The following RNLS variants were observed in gnomAD, a reference collection of about 807,000 sequenced individuals.
The protein encoded by RNLS is renalase.
A neutral mutation model predicts 39.8 loss-of-function variants in RNLS; 39 were observed. That is an observed-to-expected ratio of 0.98 (90% CI 0.76 to 1.28). RNLS has a LOEUF of 1.28. RNLS is among the 50% of genes most tolerant of loss of function. The probability of loss-of-function intolerance (pLI) is 0.00; values close to 1 mark genes in which losing one functional copy is unlikely to be tolerated. For synonymous variants in RNLS, 147 were observed against 150.7 expected (o/e 0.98, Z 0.18); for missense variants, 410 against 413.3 (o/e 0.99, Z 0.07).
intron 4 of RNLS, among the ~76,000 whole-genome samples, chr10:88,442,377 T>C (rs988556531): frequency 1.3e-5 from 2 of 152,224 alleles, no homozygotes; most frequent in African/African-American, 4.8e-5. Context: ...GTCATTCAGC[T>C]GATTAAAACT....
At chr10:88,394,417 A>T (rs4934399) in intron 4 of RNLS, among the ~76,000 whole-genome samples, 94,079 of 151,944 alleles carry the variant, frequency 0.62, 29,407 homozygotes, top group African/African-American at 0.71. Flanking sequence ...AGAAGACATT[A>T]ATGCAGCCAA....
At chr10:88,225,387 A>T in the RNLS span, among the ~76,000 whole-genome samples, 1 of 152,164 alleles carries the variant, frequency 6.6e-6, no homozygotes. Flanking sequence ...CCTTTTCTCA[A>T]TTCCCTTCTC....
chr10:88,294,791 G>A (rs1324633571), intron 6 of RNLS, among the ~76,000 whole-genome samples: 2 of 152,056 alleles, frequency 1.3e-5, no homozygotes, highest in Non-Finnish European at 2.9e-5. Flanking sequence ...ATGAACACAA[G>A]CCAACAAAAA....
At chr10:88,508,814 A>C (rs919536601) in intron 4 of RNLS, among the ~76,000 whole-genome samples, 1 of 149,572 alleles carries the variant, frequency 6.7e-6, no homozygotes, top group African/African-American at 2.4e-5. Context: ...AATTTAAGGA[A>C]AAAAAAAGAA....
intron 4 of RNLS, among the ~76,000 whole-genome samples, chr10:88,514,318 T>C (rs147625604): frequency 6.6e-6 from 1 of 151,894 alleles, no homozygotes; most frequent in African/African-American, 2.4e-5. Context: ...AAGAACAGCA[T>C]GGGGGAAACC....
chr10:88,202,113 C>A, the RNLS span, among the ~76,000 whole-genome samples: 1 of 151,960 alleles, frequency 6.6e-6, no homozygotes, highest in Admixed American at 6.6e-5. Flanking sequence ...GAATACTATG[C>A]AGCCATAAAA....
intron 4 of RNLS, among the ~76,000 whole-genome samples, chr10:88,487,489 C>T (rs1361870527): frequency 2.0e-5 from 3 of 152,048 alleles, no homozygotes; most frequent in African/African-American, 7.2e-5. Context: ...TGTTCTACAT[C>T]ATCAGTTATT....
chr10:88,492,822 T>A (rs995585743), intron 4 of RNLS, among the ~76,000 whole-genome samples: 34 of 152,232 alleles, frequency 2.2e-4, no homozygotes, highest in African/African-American at 8.2e-4. Context: ...TAAAGGACAA[T>A]TTATGAAAGG....
intron 5 of RNLS, chr10:88,343,679 G>A (rs1419417175): frequency 1.0e-6 from 1 of 985,218 alleles, no homozygotes; most frequent in Non-Finnish European, 1.2e-6. Flanking sequence ...CACATTTAGT[G>A]AGACTGCATA....
At chr10:88,496,703 G>A (rs1046217468) in intron 4 of RNLS, among the ~76,000 whole-genome samples, 3 of 152,150 alleles carry the variant, frequency 2.0e-5, no homozygotes, top group African/African-American at 7.2e-5. Context: ...TTTCATAGAG[G>A]AGAAGGGTTA....
intron 5 of RNLS, among the ~76,000 whole-genome samples, chr10:88,346,183 G>T (rs183438005): frequency 6.6e-6 from 1 of 152,202 alleles, no homozygotes; most frequent in Non-Finnish European, 1.5e-5. Flanking sequence ...ATCTCAGCTG[G>T]AGCACAGTTG....
intron 6 of RNLS, among the ~76,000 whole-genome samples, chr10:88,288,503 G>A (rs1300953044): frequency 2.0e-5 from 3 of 152,104 alleles, no homozygotes; most frequent in African/African-American, 7.2e-5. Context: ...ATATGTGTGT[G>A]TCTATGTATA....
At chr10:88,430,411 A>C (rs943414762) in intron 4 of RNLS, among the ~76,000 whole-genome samples, 1 of 151,856 alleles carries the variant, frequency 6.6e-6, no homozygotes, top group African/African-American at 2.4e-5. Flanking sequence ...TGAATTTTCT[A>C]TATAGACACT....
At chr10:88,210,599 G>A in the RNLS span, among the ~76,000 whole-genome samples, 1 of 152,080 alleles carries the variant, frequency 6.6e-6, no homozygotes, top group African/African-American at 2.4e-5. Flanking sequence ...CATAATCACA[G>A]AACAATTGTA....
At chr10:88,321,534 A>G (rs1174101263) in intron 5 of RNLS, among the ~76,000 whole-genome samples, 2 of 152,210 alleles carry the variant, frequency 1.3e-5, no homozygotes, top group Admixed American at 6.5e-5. Flanking sequence ...GAAAGGATGA[A>G]CAACATTGAT....
the RNLS span, among the ~76,000 whole-genome samples, chr10:88,214,829 A>T: frequency 6.6e-6 from 1 of 152,202 alleles, no homozygotes; most frequent in African/African-American, 2.4e-5. Flanking sequence ...GTATAATTCA[A>T]CTGTTGAAAG....
downstream of RNLS, among the ~76,000 whole-genome samples, chr10:88,279,624 GA>G (rs776904550): frequency 2.3e-5 from 3 of 128,646 alleles, no homozygotes; most frequent in African/African-American, 6.0e-5. Context: ...TTAGGAGTGT[GA>G]AATAACTCAC....
intron 4 of RNLS, among the ~76,000 whole-genome samples, chr10:88,443,840 G>A (rs926251306): frequency 6.6e-6 from 1 of 152,246 alleles, no homozygotes; most frequent in African/African-American, 2.4e-5. Flanking sequence ...CAACTGGGTG[G>A]AGCCCACTGC....
chr10:88,527,262 G>A (rs1027417364), intron 4 of RNLS, among the ~76,000 whole-genome samples: 5 of 152,084 alleles, frequency 3.3e-5, no homozygotes, highest in African/African-American at 9.7e-5. Flanking sequence ...CCCATCCCCA[G>A]GCAGAACACT....
Sources: allele counts gnomAD v4.1 joint callset (sites outside exome capture counted in the v4.1 genomes callset), GRCh38; gene constraint gnomAD v4.1.1; transcripts MANE v1.5; gene names NCBI Gene and HGNC (gene_info 2026-07-23, HGNC 2026-07-21).